The following KCNIP4 variants were observed in gnomAD, a reference collection of about 807,000 sequenced individuals.
KCNIP4 encodes Kv channel-interacting protein 4.
KCNIP4 carries 12 observed loss-of-function variants against 34.0 expected under a neutral mutation model. The ratio of observed to expected loss-of-function variants is 0.35; its 90% CI spans 0.23 to 0.57. The LOEUF (loss-of-function observed/expected upper bound fraction) is 0.57, where lower values mean the gene tolerates loss of function less well. Among genes scored for constraint, KCNIP4 ranks in the 20% least tolerant of loss-of-function variants. KCNIP4 has a pLI of 0.83. For synonymous variants in KCNIP4, 124 were observed against 102.2 expected, an observed-to-expected ratio of 1.21 and a Z score of -1.29; for missense variants, 238 against 311.7, an observed-to-expected ratio of 0.76 and a Z score of 1.78.
rs565135705 is a variant in KCNIP4, at chr4:21,641,967, C to T, written c.61+306604G>A. Among the ~76,000 whole-genome samples the T allele has an allele frequency of 9.9e-5, 15 of 152,262 alleles. No homozygotes were observed. In the East Asian group the frequency reaches 2.9e-3, roughly 29 times the overall value. ...GTGGCAGGTTGATTACATTGGACTG[C>T]TTCCATCATGGAAGGGGGGTAGTGC... is the stretch of plus-strand genomic sequence containing the variant. On this transcript the variant is annotated intron_variant, in intron 1 of 8. Coordinates refer to ENST00000382152, the MANE Select transcript of KCNIP4 (RefSeq NM_025221.6).
intron 1 of KCNIP4, among the ~76,000 whole-genome samples, chr4:21,267,110 A>T (rs16870675): frequency 0.025 from 3,804 of 152,298 alleles, 82 homozygotes; most frequent in East Asian, 0.15. Context: ...TGCTTGATGA[A>T]CACAATGGAT....
At chr4:21,697,857 C>G (rs1447794173) in intron 1 of KCNIP4, 1 of 171,036 alleles carries the variant, frequency 5.8e-6, no homozygotes, top group Non-Finnish European at 1.2e-5. Flanking sequence ...GGTGAGAAGA[C>G]AGATGACAGG....
chr4:21,317,013 T>C (rs939677457), intron 1 of KCNIP4, among the ~76,000 whole-genome samples: 8 of 152,152 alleles, frequency 5.3e-5, no homozygotes, highest in Admixed American at 3.3e-4. Context: ...AGCATGGTAT[T>C]CTCAAAGGTA....
At chr4:21,496,055 A>T (rs747255465) in intron 1 of KCNIP4, among the ~76,000 whole-genome samples, 1 of 152,220 alleles carries the variant, frequency 6.6e-6, no homozygotes, top group South Asian at 2.1e-4. Context: ...GAGATAAATG[A>T]ATGTTTTAGA....
intron 1 of KCNIP4, among the ~76,000 whole-genome samples, chr4:21,458,455 C>G (rs1023816912): frequency 1.1e-4 from 16 of 151,848 alleles, no homozygotes; most frequent in Non-Finnish European, 1.0e-4. Flanking sequence ...AATAAACATA[C>G]GTGTGCATGT....
chr4:20,736,396 A>AT (rs769447689), intron 5 of KCNIP4, among the ~76,000 whole-genome samples: 1 of 151,970 alleles, frequency 6.6e-6, no homozygotes, highest in African/African-American at 2.4e-5. Context: ...TAAATGAGAT[A>AT]TTTTTTTCTA....
intron 1 of KCNIP4, among the ~76,000 whole-genome samples, chr4:21,422,195 A>C (rs1370456182): frequency 7.2e-6 from 1 of 139,710 alleles, no homozygotes; most frequent in Admixed American, 7.2e-5. Context: ...TCTGCAGCCT[A>C]CTTTTTTTTT....
At chr4:21,144,968 C>A (rs1302883277) in intron 1 of KCNIP4, among the ~76,000 whole-genome samples, 2 of 127,410 alleles carry the variant, frequency 1.6e-5, no homozygotes, top group Non-Finnish European at 3.4e-5. Context: ...TTTTAGAGGG[C>A]CATCTTTAGG....
intron 1 of KCNIP4, among the ~76,000 whole-genome samples, chr4:21,910,956 C>CTA (rs1213244601): frequency 6.6e-6 from 1 of 152,102 alleles, no homozygotes; most frequent in Non-Finnish European, 1.5e-5. Flanking sequence ...CTGAAATCTG[C>CTA]TATTCATTTT....
rs565410430 is a variant in KCNIP4 at position 21,064,105 on chromosome 4, C to A, written c.62-181396G>T. Among the ~76,000 whole-genome samples the A allele has an allele frequency of 8.6e-4, 131 of 152,098 alleles. 2 individuals carry two copies. In the South Asian group the frequency reaches 0.015, roughly 17 times the overall value. On this transcript the variant is annotated intron_variant, in intron 1 of 8. Transcript: ENST00000382152. Reference sequence around the variant, plus strand: ...GTCACTAAAATAGTAATTATTTTTTCTTCTCTTGCTAATCCAACAATTTCA... The same window carrying A: ...GTCACTAAAATAGTAATTATTTTTTATTCTCTTGCTAATCCAACAATTTCA...
intron 1 of KCNIP4, among the ~76,000 whole-genome samples, chr4:21,564,785 C>T (rs1739716572): frequency 6.6e-6 from 1 of 152,004 alleles, no homozygotes; most frequent in Admixed American, 6.6e-5. Context: ...GAAAAAGGAG[C>T]TAGTGTGTGC....
chr4:21,565,591 TACATCCACATAGTACCATCTCCTAC>T (rs1372639705), intron 1 of KCNIP4, among the ~76,000 whole-genome samples: 2 of 152,158 alleles, frequency 1.3e-5, no homozygotes, highest in African/African-American at 4.8e-5. Flanking sequence ...ATTCATGTTT[TACATCCACATAGTACCATCTCCTAC>T]AACATTCACC....
At position 21,091,030 on chromosome 4, in the gene KCNIP4, G is replaced by A. The variant is rs549964594; in HGVS notation, c.62-208321C>T. Among the ~76,000 whole-genome samples, 291 of 152,270 alleles carry A rather than the reference G, an allele frequency of 1.9e-3. 1 individual carries two copies. Among genetic ancestry groups the A allele is most frequent in the Middle Eastern group, 0.017 (5 of 294 alleles). ...TGTAGAGGAAAATGTTATCATCCTT[G>A]GGGGCTTTTTGTTCAACCAATTTTC... On this transcript the variant is annotated intron_variant, in intron 1 of 8. Coordinates refer to ENST00000382152, the MANE Select transcript of KCNIP4 (RefSeq NM_025221.6).
intron 1 of KCNIP4, among the ~76,000 whole-genome samples, chr4:21,521,447 ATCTC>A (rs1201284034): frequency 6.6e-6 from 1 of 151,924 alleles, no homozygotes; most frequent in Non-Finnish European, 1.5e-5. Flanking sequence ...TTTTTCTTTG[ATCTC>A]TCTACTTGGA....
At chr4:21,685,745 T>C (rs575214179) in intron 1 of KCNIP4, among the ~76,000 whole-genome samples, 98 of 152,336 alleles carry the variant, frequency 6.4e-4, no homozygotes, top group African/African-American at 2.3e-3. Context: ...ATGAGTGACA[T>C]GATAAACACA....
At chr4:21,522,634 T>G (rs1009562370) in intron 1 of KCNIP4, among the ~76,000 whole-genome samples, 4 of 152,016 alleles carry the variant, frequency 2.6e-5, no homozygotes, top group Non-Finnish European at 1.5e-5. Context: ...ACCCCATCCA[T>G]CTGTAGCAAA....
chr4:21,025,554 T>TTTTG (rs1740472639), intron 1 of KCNIP4, among the ~76,000 whole-genome samples: 1 of 108,158 alleles, frequency 9.2e-6, no homozygotes, highest in African/African-American at 3.9e-5. Flanking sequence ...TTTTTTTTTT[T>TTTTG]TTTTTTTTTT....
intron 1 of KCNIP4, among the ~76,000 whole-genome samples, chr4:21,411,074 G>A (rs1199141246): frequency 3.9e-5 from 6 of 152,146 alleles, no homozygotes; most frequent in Non-Finnish European, 2.9e-5. Context: ...ATTCAAAGAC[G>A]ATATCACATT....
chr4:21,871,948 C>A (rs1480646731), intron 1 of KCNIP4, among the ~76,000 whole-genome samples: 2 of 151,918 alleles, frequency 1.3e-5, no homozygotes, highest in Non-Finnish European at 2.9e-5. Context: ...GTTTTCCCTG[C>A]ACCAATTGGA....
Sources: allele counts gnomAD v4.1 joint callset (sites outside exome capture counted in the v4.1 genomes callset), GRCh38; gene constraint gnomAD v4.1.1; transcripts MANE v1.5; gene names NCBI Gene and HGNC (gene_info 2026-07-23, HGNC 2026-07-21).